The following CTNNA1 variants were observed in gnomAD, a reference collection of about 807,000 sequenced individuals.
CTNNA1 encodes catenin alpha-1.
In CTNNA1, 37 loss-of-function variants were observed where a neutral mutation model predicts 98.4. The observed-to-expected ratio is 0.38, with a 90% CI of 0.29 to 0.49. CTNNA1 has a LOEUF of 0.49. CTNNA1 is among the 20% of genes least tolerant of loss of function. CTNNA1 has a pLI of 0.95. For synonymous variants in CTNNA1, 404 were observed against 413.2 expected, an observed-to-expected ratio of 0.98 and a Z score of 0.27; for missense variants, 761 against 1,147.2, an observed-to-expected ratio of 0.66 and a Z score of 4.86.
At chr5:138,855,875 A>G (rs1420196591) in intron 7 of CTNNA1, among the ~76,000 whole-genome samples, 7 of 152,222 alleles carry the variant, frequency 4.6e-5, no homozygotes, top group Admixed American at 4.6e-4. Flanking sequence ...TGAAAATGTG[A>G]AAAGAAATGT....
At chr5:138,830,126 C>G (rs1356857366) in intron 7 of CTNNA1, among the ~76,000 whole-genome samples, 1 of 151,410 alleles carries the variant, frequency 6.6e-6, no homozygotes, top group South Asian at 2.1e-4. Flanking sequence ...AAGATCACGC[C>G]ACTGCACTCC....
At chr5:138,862,398 A>G (rs1415148288) in intron 7 of CTNNA1, among the ~76,000 whole-genome samples, 1 of 152,214 alleles carries the variant, frequency 6.6e-6, no homozygotes, top group Non-Finnish European at 1.5e-5. Flanking sequence ...ATTCTCAGCC[A>G]TGTATTTTGT....
At chr5:138,755,396 G>A (rs1751519743) in intron 1 of CTNNA1, among the ~76,000 whole-genome samples, 1 of 152,118 alleles carries the variant, frequency 6.6e-6, no homozygotes, top group African/African-American at 2.4e-5. Context: ...GGAGTTTGGG[G>A]AATTGTGATA....
At chr5:138,784,084 T>C (rs756372922) in intron 3 of CTNNA1, among the ~76,000 whole-genome samples, 18 of 152,240 alleles carry the variant, frequency 1.2e-4, no homozygotes, top group Non-Finnish European at 2.4e-4. Context: ...TTTTTATTTT[T>C]AGTAGAGATG....
chr5:138,924,023 TCTC>T (rs1763453805), intron 11 of CTNNA1, among the ~76,000 whole-genome samples: 1 of 152,220 alleles, frequency 6.6e-6, no homozygotes. Context: ...TCCAGCACCT[TCTC>T]CTATCCCAGG....
At chr5:138,778,270 A>G (rs2149637438) in intron 1 of CTNNA1, among the ~76,000 whole-genome samples, 1 of 152,260 alleles carries the variant, frequency 6.6e-6, no homozygotes, top group African/African-American at 2.4e-5. Context: ...CTGGGATTAC[A>G]GACGTGAGCC....
Position 138,873,811 on chromosome 5 carries a change from C to T in CTNNA1, c.1063-12401C>T. ...CTAGCTTTTCTAAAGTGCCCCAGGT[C>T]CACTCCATCCCACATGTCAAGTTGC... On this transcript the variant is annotated intron_variant, in intron 7 of 17. Coordinates refer to ENST00000302763, the MANE Select transcript of CTNNA1 (RefSeq NM_001903.5). This position sits in a 1 kb window ranked among gnomAD's most constrained non-coding sequence, Gnocchi z 6.1. The T allele has an allele frequency of 6.2e-7, 1 of 1,613,962 alleles. No homozygotes were observed. Among genetic ancestry groups the T allele is most frequent in the Non-Finnish European group, 8.5e-7 (1 of 1,179,878 alleles).
intron 7 of CTNNA1, among the ~76,000 whole-genome samples, chr5:138,846,334 CA>C (rs1397197075): frequency 6.6e-6 from 1 of 151,918 alleles, no homozygotes; most frequent in African/African-American, 2.4e-5. Flanking sequence ...GTGAATAAAC[CA>C]AAAAAACATT....
Position 138,755,277 on chromosome 5 carries a change from G to C in CTNNA1, c.-3+1767G>C, listed in dbSNP as rs544922710. On this transcript the variant is annotated intron_variant, in intron 1 of 17. Coordinates refer to ENST00000302763, the MANE Select transcript of CTNNA1 (RefSeq NM_001903.5). ...GAGGGGGCTAATAAGTTTTACTTGG[G>C]TAAGTCCAGAAAGGCTTTCAGGAGG... 7 of 152,258 alleles carry C rather than the reference G, an allele frequency of 4.6e-5. No homozygotes were observed. The East Asian group carries it at 1.4e-3, about 29-fold the overall frequency. 9.4% of individuals were successfully genotyped at this position (152,258 alleles called of 1,614,324 possible). A position where few individuals can be genotyped will look rare whatever the true frequency, so the allele number is the denominator to read the frequency against.
chr5:138,758,828 A>G (rs1465745177), intron 1 of CTNNA1, among the ~76,000 whole-genome samples: 3 of 146,374 alleles, frequency 2.0e-5, no homozygotes, highest in Non-Finnish European at 4.5e-5. Flanking sequence ...TTTTTTTGAG[A>G]TGGAGTTTTG....
At chr5:138,848,390 CT>C (rs934655656) in intron 7 of CTNNA1, among the ~76,000 whole-genome samples, 9 of 152,030 alleles carry the variant, frequency 5.9e-5, no homozygotes, top group East Asian at 1.9e-4. Context: ...TTTAAGTCCT[CT>C]TTTTTTTGTT....
intron 7 of CTNNA1, among the ~76,000 whole-genome samples, chr5:138,858,149 C>CA (rs1463231084): frequency 3.4e-5 from 5 of 148,128 alleles, no homozygotes; most frequent in Admixed American, 2.7e-4. Flanking sequence ...TTTTTTGAGA[C>CA]AGGTTCTTGC....
intron 7 of CTNNA1, among the ~76,000 whole-genome samples, chr5:138,841,893 T>C (rs1272249586): frequency 6.6e-6 from 1 of 152,200 alleles, no homozygotes; most frequent in Non-Finnish European, 1.5e-5. Context: ...CTAACCGTCC[T>C]TTAAATTTAA....
At chr5:138,899,184 C>T (rs114047316) in intron 9 of CTNNA1, among the ~76,000 whole-genome samples, 1,557 of 152,070 alleles carry the variant, frequency 0.01, 28 homozygotes, top group African/African-American at 0.035. Context: ...TTGCCCAAGA[C>T]GGCTCATTTC....
intron 7 of CTNNA1, among the ~76,000 whole-genome samples, chr5:138,849,569 A>G (rs2149839893): frequency 6.6e-6 from 1 of 152,220 alleles, no homozygotes; most frequent in East Asian, 1.9e-4. Flanking sequence ...AAATCTTTAT[A>G]GTTAAGCAGG....
At chr5:138,785,763 T>C (rs116551899) in intron 3 of CTNNA1, among the ~76,000 whole-genome samples, 1,752 of 152,120 alleles carry the variant, frequency 0.012, 28 homozygotes, top group African/African-American at 0.04. Context: ...TGTAGTGTAG[T>C]GTAGTGTAGT....
At chr5:138,914,606 G>A (rs1294232689) in intron 10 of CTNNA1, among the ~76,000 whole-genome samples, 1 of 151,954 alleles carries the variant, frequency 6.6e-6, no homozygotes, top group East Asian at 1.9e-4. Context: ...AAGGAGGGAA[G>A]AGGAATAGCG....
At chr5:138,774,772 C>G (rs1466643149) in intron 1 of CTNNA1, among the ~76,000 whole-genome samples, 2 of 152,248 alleles carry the variant, frequency 1.3e-5, no homozygotes, top group East Asian at 3.9e-4. Context: ...CAGGCGCCCA[C>G]CACCGCACCC....
intron 16 of CTNNA1, 182 bp from the exon 17 acceptor site, chr5:138,932,396 C>T (rs1765559952): frequency 7.0e-7 from 1 of 1,420,184 alleles, no homozygotes; most frequent in Admixed American, 2.9e-5. Context: ...AGCTCACCCG[C>T]CTCCATCCCC....
Sources: gnomAD v4.1 joint callset for allele counts (sites outside exome capture counted in the v4.1 genomes callset) on GRCh38, gnomAD v4.1.1 for gene constraint, Gnocchi (gnomAD v3.1) non-coding constraint, MANE v1.5 for transcripts, NCBI Gene and HGNC (gene_info 2026-07-23, HGNC 2026-07-21) for gene names.